ASH1L: variants seen among roughly 807,000 people sequenced by gnomAD.
ASH1L encodes histone-lysine N-methyltransferase ASH1L.
ASH1L carries 23 observed loss-of-function variants against 269.0 expected under a neutral mutation model. The ratio of observed to expected loss-of-function variants is 0.09; its 90% CI spans 0.06 to 0.12. The LOEUF is 0.12. Among genes scored for constraint, ASH1L ranks in the 10% least tolerant of loss-of-function variants. The pLI is 1.00. For missense variants in ASH1L, 2,912 were observed against 3,567.8 expected (o/e 0.82, Z 4.68); for synonymous variants, 1,187 against 1,253.5 (o/e 0.95, Z 1.12).
intron 3 of ASH1L, among the ~76,000 whole-genome samples, chr1:155,474,559 G>T (rs1179033493): frequency 6.6e-6 from 1 of 152,188 alleles, no homozygotes; most frequent in Non-Finnish European, 1.5e-5. Context: ...AATTAGCCTG[G>T]CATTGGTGGC....
intron 2 of ASH1L, among the ~76,000 whole-genome samples, chr1:155,517,111 A>G (rs1668545373): frequency 1.3e-5 from 2 of 152,342 alleles, no homozygotes; most frequent in South Asian, 4.1e-4. Context: ...CCTAAAATCC[A>G]TATGGAATCT....
intron 6 of ASH1L, among the ~76,000 whole-genome samples, chr1:155,415,381 CA>C (rs371008148): frequency 5.6e-3 from 322 of 57,664 alleles, no homozygotes; most frequent in African/African-American, 7.4e-3. Flanking sequence ...GACTCCGTCT[CA>C]AAAAAAAAAA....
intron 10 of ASH1L, among the ~76,000 whole-genome samples, chr1:155,376,213 T>C (rs1290818627): frequency 4.6e-5 from 7 of 152,346 alleles, no homozygotes; most frequent in African/African-American, 1.7e-4. Context: ...TGTGAACCTG[T>C]ATGTACATAA....
At chr1:155,496,049 T>C (rs981866930) in intron 2 of ASH1L, among the ~76,000 whole-genome samples, 4 of 152,174 alleles carry the variant, frequency 2.6e-5, no homozygotes, top group Non-Finnish European at 5.9e-5. Flanking sequence ...TAGCTTCCTT[T>C]TTTACTTTAT....
At chr1:155,498,938 A>G (rs1215480975) in intron 2 of ASH1L, among the ~76,000 whole-genome samples, 1 of 151,548 alleles carries the variant, frequency 6.6e-6, no homozygotes, top group Non-Finnish European at 1.5e-5. Flanking sequence ...AAAAAAAGCC[A>G]AAAAGAAATA....
At chr1:155,433,893 A>G (rs1338309696) in intron 5 of ASH1L, 2 of 1,600,028 alleles carry the variant, frequency 1.2e-6, no homozygotes, top group Admixed American at 1.7e-5. Flanking sequence ...ACCAGTATCG[A>G]GAACCGAGTG....
rs1005275164 is a variant in ASH1L at position 155,404,334 on chromosome 1, T to G, written c.6009-8781A>C. On this transcript the variant is annotated intron_variant, in intron 6 of 27. Transcript: ENST00000392403. ...TTATGCCACTGTACTCTAGTCTGGA[T>G]GAGAGGTAGACTCTGTCTTTAAAAA... is the stretch of plus-strand genomic sequence containing the variant. 4.9e-4 allele frequency among the ~76,000 whole-genome samples: 75 copies of G among 152,018 alleles called. 1 individual carries two copies. Among genetic ancestry groups the G allele is most frequent in the Admixed American group, 1.1e-3 (17 of 15,232 alleles).
At position 155,528,595 on chromosome 1, in the gene ASH1L, A is replaced by G. The variant is rs1669433047; in HGVS notation, c.-99-6977T>C. Among the ~76,000 whole-genome samples, 2 of 152,154 alleles carry G rather than the reference A, an allele frequency of 1.3e-5. 1 individual carries two copies. The highest frequency in any genetic ancestry group is 4.1e-4 in the South Asian group (2 of 4,830). Reference sequence around the variant, plus strand: ...CTGGCAGACTTGCCTCTTACTGAGGAGAGGTCAATCTTTTGTTCTGTTAAT... The same window carrying G: ...CTGGCAGACTTGCCTCTTACTGAGGGGAGGTCAATCTTTTGTTCTGTTAAT... On this transcript the variant is annotated intron_variant, in intron 1 of 27. Transcript: ENST00000392403.
intron 2 of ASH1L, among the ~76,000 whole-genome samples, chr1:155,518,109 C>T (rs1668626240): frequency 6.6e-6 from 1 of 152,156 alleles, no homozygotes; most frequent in Non-Finnish European, 1.5e-5. Context: ...CCAATAATTT[C>T]TTTAACAAAG....
At chr1:155,416,469 C>T (rs910182533) in intron 5 of ASH1L, among the ~76,000 whole-genome samples, 1 of 152,098 alleles carries the variant, frequency 6.6e-6, no homozygotes, top group African/African-American at 2.4e-5. Context: ...ACAGTTAATG[C>T]AGCACTGTTA....
Position 155,479,997 on chromosome 1 carries a change from C to T in ASH1L, c.2873G>A (p.Ser958Asn), listed in dbSNP as rs149403989. ...TGGTTCCATCTCAAGGTCACTCATA[C>T]TACAGACACTTGGCCTATGACTGTC... is the stretch of plus-strand genomic sequence containing the variant. The part of the protein sequence containing the change: ...LDDSHRPSVC[S>N]MSDLEMEPDK... The change falls in exon 3 of 28, where the codon AGT becomes AAT. Residue 958 changes from serine (S) to asparagine (N), a missense_variant. By Grantham distance (46) the Ser-to-Asn change is conservative. Coordinates refer to ENST00000392403, the MANE Select transcript of ASH1L (RefSeq NM_018489.3). 3.5e-5 allele frequency: 57 copies of T among 1,613,988 alleles called. No homozygotes were observed. In the African/African-American group the frequency reaches 6.5e-4, roughly 18 times the overall value.
chr1:155,433,977 A>C (rs1195475107), intron 5 of ASH1L: 1 of 1,583,358 alleles, frequency 6.3e-7, no homozygotes, highest in Admixed American at 1.8e-5. Flanking sequence ...ATCGCCCAGC[A>C]GCTTGGGCTC....
chr1:155,383,318 C>A (rs1411153688), intron 7 of ASH1L, among the ~76,000 whole-genome samples: 2 of 152,204 alleles, frequency 1.3e-5, no homozygotes, highest in Admixed American at 6.5e-5. Context: ...TAGGCCTTCA[C>A]ATTCACTCTC....
At chr1:155,488,297 T>C (rs1168399471) in intron 2 of ASH1L, among the ~76,000 whole-genome samples, 1 of 152,004 alleles carries the variant, frequency 6.6e-6, no homozygotes, top group South Asian at 2.1e-4. Context: ...CACAGATAAT[T>C]TGATGTTGGT....
chr1:155,549,624 CAA>C (rs1043659273), intron 1 of ASH1L, among the ~76,000 whole-genome samples: 16 of 60,418 alleles, frequency 2.6e-4, no homozygotes, highest in Admixed American at 3.8e-4. Context: ...GACTCAGTCT[CAA>C]AAAAAAAAAA....
intron 1 of ASH1L, among the ~76,000 whole-genome samples, chr1:155,556,376 A>C (rs1671585306): frequency 6.6e-6 from 1 of 150,896 alleles, no homozygotes. Flanking sequence ...GTAAAAAATT[A>C]TAAATATAAA....
At chr1:155,476,569 T>C (rs1226112027) in intron 3 of ASH1L, among the ~76,000 whole-genome samples, 1 of 151,692 alleles carries the variant, frequency 6.6e-6, no homozygotes, top group Admixed American at 6.6e-5. Context: ...GTTTTTTTTT[T>C]AAGATGGAGT....
At chr1:155,476,719 T>A (rs1162256398) in intron 3 of ASH1L, among the ~76,000 whole-genome samples, 1 of 151,274 alleles carries the variant, frequency 6.6e-6, no homozygotes, top group Non-Finnish European at 1.5e-5. Context: ...GCCTGGCTAA[T>A]TTTTTTTGTA....
chr1:155,415,211 G>A (rs1438969827), intron 6 of ASH1L, among the ~76,000 whole-genome samples: 3 of 151,708 alleles, frequency 2.0e-5, no homozygotes, highest in Non-Finnish European at 4.4e-5. Context: ...GTGAAACCCC[G>A]TCTCTACTAA....
Sources: allele counts gnomAD v4.1 joint callset (sites outside exome capture counted in the v4.1 genomes callset), GRCh38; gene constraint gnomAD v4.1.1; transcripts MANE v1.5; gene names NCBI Gene and HGNC (gene_info 2026-07-23, HGNC 2026-07-21).